Variants in PARM1 observed in about 807,000 individuals in gnomAD.
The protein encoded by PARM1 is prostate androgen-regulated mucin-like protein 1, also known as WSC4, cell wall integrity and stress response component 4 homolog.
PARM1 carries 14 observed loss-of-function variants against 24.6 expected under a neutral mutation model. The observed-to-expected ratio is 0.57, with a 90% CI of 0.38 to 0.89. The LOEUF (loss-of-function observed/expected upper bound fraction) is 0.89. PARM1 is among the 40% of genes least tolerant of loss of function. The pLI is 0.00. For synonymous variants in PARM1, 179 were observed against 156.6 expected, an observed-to-expected ratio of 1.14 and a Z score of -1.07; for missense variants, 362 against 380.4, an observed-to-expected ratio of 0.95 and a Z score of 0.40.
At chr4:75,013,184 C>A in intron 2 of PARM1, 34 bp downstream of exon 2, 1 of 1,572,556 alleles carries the variant, frequency 6.4e-7, no homozygotes. Context: ...GTTTTCTTTA[C>A]TACACCCTCA....
At chr4:74,933,500 TGCGCACTTAGATTTGGGGTGA>T in intron 1 of PARM1, 130 bp downstream of exon 1, 1 of 753,942 alleles carries the variant, frequency 1.3e-6, no homozygotes, top group Non-Finnish European at 2.3e-6. Context: ...CGCAGGTGTG[TGCGCACTTAGATTTGGGGTGA>T]CGTGCACCTT....
At chr4:75,046,053 T>C in intron 3 of PARM1, 110 bp from the exon 4 acceptor site, 1 of 686,816 alleles carries the variant, frequency 1.5e-6, no homozygotes, top group Non-Finnish European at 2.6e-6. Flanking sequence ...CGTCACAACT[T>C]TCCCTCTCCC....
At chr4:74,940,101 A>G (rs966438090) in intron 1 of PARM1, among the ~76,000 whole-genome samples, 2 of 152,152 alleles carry the variant, frequency 1.3e-5, no homozygotes, top group African/African-American at 4.8e-5. Flanking sequence ...TACCATTCAG[A>G]CTTCCTAGAG....
In PARM1 at chr4:75,018,698, G is replaced by A. The variant is rs1037787102; in HGVS notation, c.769+5548G>A. 1.8e-4 allele frequency among the ~76,000 whole-genome samples: 27 copies of A among 152,290 alleles called. 1 individual carries two copies. Among genetic ancestry groups the A allele is most frequent in the African/African-American group, 6.5e-4 (27 of 41,554 alleles). ...AGAATATGTATGTTCCAAGAATTGG[G>A]CTAGCGACTGACACAGGTAGCCCTC... is the stretch of plus-strand genomic sequence containing the variant. On this transcript the variant is annotated intron_variant, in intron 2 of 3. Transcript: ENST00000307428.
intron 1 of PARM1, among the ~76,000 whole-genome samples, chr4:74,945,759 A>C (rs1377054842): frequency 6.6e-6 from 1 of 152,236 alleles, no homozygotes; most frequent in Non-Finnish European, 1.5e-5. Flanking sequence ...CAGATATCAA[A>C]AAAGAAAAAC....
At chr4:75,044,973 T>C (rs1723571955) in intron 3 of PARM1, among the ~76,000 whole-genome samples, 1 of 152,184 alleles carries the variant, frequency 6.6e-6, no homozygotes, top group South Asian at 2.1e-4. Flanking sequence ...TTTGATCACC[T>C]TCCACAGGGT....
chr4:74,983,236 T>C (rs1323747329), intron 1 of PARM1, among the ~76,000 whole-genome samples: 2 of 152,228 alleles, frequency 1.3e-5, no homozygotes, highest in African/African-American at 4.8e-5. Flanking sequence ...CTTTGGTCAC[T>C]GAATATGGTC....
chr4:74,981,878 CCAAAAAAAAA>C (rs1722264106), intron 1 of PARM1, among the ~76,000 whole-genome samples: 1 of 132,826 alleles, frequency 7.5e-6, no homozygotes, highest in Non-Finnish European at 1.6e-5. Flanking sequence ...GACTCAATCT[CCAAAAAAAAA>C]AAAAAAAAAA....
chr4:75,010,193 CCACATGCTAT>C (rs1373048560), intron 1 of PARM1, among the ~76,000 whole-genome samples: 1 of 152,178 alleles, frequency 6.6e-6, no homozygotes, highest in African/African-American at 2.4e-5. Context: ...GTAAATTCTG[CCACATGCTAT>C]CACATGGATG....
intron 1 of PARM1, among the ~76,000 whole-genome samples, chr4:74,964,497 G>A (rs1721856440): frequency 6.6e-6 from 1 of 151,708 alleles, no homozygotes; most frequent in African/African-American, 2.4e-5. Flanking sequence ...CCTCAGATAA[G>A]CCTTCGCTGA....
intron 3 of PARM1, among the ~76,000 whole-genome samples, chr4:75,037,114 T>C (rs1277568583): frequency 6.6e-6 from 1 of 152,198 alleles, no homozygotes; most frequent in Non-Finnish European, 1.5e-5. Context: ...CAAAAATACT[T>C]TAATTGACGT....
At chr4:75,008,768 A>G (rs1182357631) in intron 1 of PARM1, among the ~76,000 whole-genome samples, 1 of 152,234 alleles carries the variant, frequency 6.6e-6, no homozygotes, top group Non-Finnish European at 1.5e-5. Context: ...TCTTGAATGA[A>G]TGAATGAATG....
intron 1 of PARM1, among the ~76,000 whole-genome samples, chr4:74,941,556 A>C (rs1334075514): frequency 6.6e-6 from 1 of 152,182 alleles, no homozygotes; most frequent in Non-Finnish European, 1.5e-5. Context: ...AATTCATTTG[A>C]TTTCATTTTT....
intron 1 of PARM1, among the ~76,000 whole-genome samples, chr4:74,985,318 G>A (rs560970051): frequency 3.3e-5 from 5 of 152,252 alleles, no homozygotes; most frequent in African/African-American, 1.2e-4. Flanking sequence ...CTACTTAATT[G>A]GCTATGTGAT....
intron 1 of PARM1, among the ~76,000 whole-genome samples, chr4:75,011,831 T>C (rs1303981849): frequency 6.6e-6 from 1 of 152,198 alleles, no homozygotes. Context: ...GCAGGAAATG[T>C]GTTCACATAT....
chr4:74,994,739 G>T (rs112541056), intron 1 of PARM1, among the ~76,000 whole-genome samples: 4 of 151,780 alleles, frequency 2.6e-5, no homozygotes, highest in Admixed American at 1.3e-4. Context: ...GTTGCAATGA[G>T]CTGAGATCAC....
At chr4:74,977,781 C>G (rs115084519) in intron 1 of PARM1, among the ~76,000 whole-genome samples, 1,525 of 152,212 alleles carry the variant, frequency 0.01, 32 homozygotes, top group African/African-American at 0.035. Flanking sequence ...AGTGGAAACC[C>G]TACAAGCAAA....
chr4:75,013,948 G>A (rs73828407), intron 2 of PARM1, among the ~76,000 whole-genome samples: 4,437 of 152,290 alleles, frequency 0.029, 214 homozygotes, highest in African/African-American at 0.1. Flanking sequence ...TGGGCAGGAA[G>A]AGTCTTTCAT....
intron 1 of PARM1, among the ~76,000 whole-genome samples, chr4:74,942,237 C>T (rs1342755676): frequency 6.6e-6 from 1 of 152,174 alleles, no homozygotes; most frequent in Admixed American, 6.5e-5. Context: ...ATCCCCAGCA[C>T]GTAGAACAGA....
Sources: allele counts gnomAD v4.1 joint callset (sites outside exome capture counted in the v4.1 genomes callset), GRCh38; gene constraint gnomAD v4.1.1; transcripts MANE v1.5; gene names NCBI Gene and HGNC (gene_info 2026-07-23, HGNC 2026-07-21).